Variants in CABLES1 observed in about 807,000 individuals in gnomAD.
CABLES1 encodes the protein Cdk5 and Abl enzyme substrate 1.
A neutral mutation model predicts 57.8 loss-of-function variants in CABLES1; 36 were observed. The observed-to-expected ratio is 0.62, with a 90% confidence interval of 0.48 to 0.82. The LOEUF is 0.82. CABLES1 is among the 40% of genes least tolerant of loss of function. The probability of loss-of-function intolerance (pLI) is 0.00; values close to 1 mark genes in which losing one functional copy is unlikely to be tolerated. For synonymous variants in CABLES1, 374 were observed against 363.0 expected (o/e 1.03, Z -0.35); for missense variants, 767 against 836.6 (o/e 0.92, Z 1.03).
intron 1 of CABLES1, among the ~76,000 whole-genome samples, chr18:23,153,744 A>C (rs1380705131): frequency 6.6e-6 from 1 of 151,294 alleles, no homozygotes. Flanking sequence ...AAAAAACAAA[A>C]AATAGGCCAG....
intron 1 of CABLES1, among the ~76,000 whole-genome samples, chr18:23,180,691 T>C (rs537071763): frequency 3.3e-5 from 5 of 152,126 alleles, no homozygotes; most frequent in African/African-American, 1.2e-4. Context: ...AATTCTTGGG[T>C]TTATATATAG....
chr18:23,207,060 C>T (rs1409744999), intron 3 of CABLES1, among the ~76,000 whole-genome samples: 1 of 152,208 alleles, frequency 6.6e-6, no homozygotes. Context: ...CATCTCCCAC[C>T]TTGGCTTCCC....
chr18:23,136,101 T>A lies in CABLES1; in HGVS notation c.339T>A (p.Ala113=). 1 of 1,183,570 alleles carries A rather than the reference T, an allele frequency of 8.4e-7. No individual in the cohort carries two copies. Among genetic ancestry groups the A allele is most frequent in the Non-Finnish European group, 1.0e-6 (1 of 957,866 alleles). The allele number at this position is 1,183,570 out of a possible 1,614,324, so 73.3% of individuals were successfully genotyped here. The change falls in exon 1 of 10, where the codon GCT becomes GCA. Residue 113 remains alanine (A), a synonymous_variant. Coordinates refer to ENST00000256925, the MANE Select transcript of CABLES1 (RefSeq NM_001100619.3). Reference sequence around the variant, plus strand: ...GGACTCGGTTCAGCTTGCTCGCCGCTGCCGAGCGGGGCGGCTGCATCGCGC... The same window carrying A: ...GGACTCGGTTCAGCTTGCTCGCCGCAGCCGAGCGGGGCGGCTGCATCGCGC... The part of the protein sequence containing the change: ...GARTRFSLLA[A]AERGGCIALA...
At chr18:23,232,212 C>A (rs1485491001) in intron 4 of CABLES1, among the ~76,000 whole-genome samples, 1 of 152,196 alleles carries the variant, frequency 6.6e-6, no homozygotes, top group Non-Finnish European at 1.5e-5. Context: ...AAAAGATATT[C>A]CCTACTTCTC....
intron 9 of CABLES1, 104 bp downstream of exon 9, chr18:23,254,040 C>A: frequency 2.1e-6 from 2 of 934,770 alleles, no homozygotes; most frequent in Non-Finnish European, 3.4e-6. Context: ...GATTCTGATC[C>A]TTAGTCAGCA....
At chr18:23,192,999 C>A (rs1054123212) in intron 2 of CABLES1, among the ~76,000 whole-genome samples, 8 of 152,074 alleles carry the variant, frequency 5.3e-5, no homozygotes, top group Non-Finnish European at 8.8e-5. Flanking sequence ...TATGATGGCA[C>A]CACTGCATTC....
In CABLES1 at chr18:23,253,816, G is replaced by A; in HGVS notation, c.1641G>A (p.Lys547=). 1 of 1,614,238 alleles carries A rather than the reference G, an allele frequency of 6.2e-7. No homozygotes were observed. The highest frequency in any genetic ancestry group is 1.1e-5 in the South Asian group (1 of 91,082). The part of the protein sequence containing the change: ...TVAMAFVYFE[K]LALKGKLNKQ... Reference sequence around the variant, plus strand: ...CCATGGCCTTCGTCTACTTTGAAAAGCTCGCCCTCAAGGGGAAACTCAACA... The same window carrying A: ...CCATGGCCTTCGTCTACTTTGAAAAACTCGCCCTCAAGGGGAAACTCAACA... Residue 547 remains lysine, a synonymous_variant, in exon 9 of 10, where the codon AAG becomes AAA. Transcript: ENST00000256925.
chr18:23,135,596 C>A lies in CABLES1; in HGVS notation c.-167C>A. On this transcript the variant is annotated 5_prime_UTR_variant, in exon 1 of 10. Coordinates refer to ENST00000256925, the MANE Select transcript of CABLES1 (RefSeq NM_001100619.3). ...GGCGGCGGCGCCCCCATCCCCAGCA[C>A]CGAGGGGCGAGCATGGCCCGCCCGC... is the stretch of plus-strand genomic sequence containing the variant. 2.9e-6 allele frequency: 1 copy of A among 344,034 alleles called. No homozygotes were observed. The highest frequency in any genetic ancestry group is 4.1e-6 in the Non-Finnish European group (1 of 244,606). 21.3% of individuals were successfully genotyped at this position (344,034 alleles called of 1,614,324 possible). A position where few individuals can be genotyped will look rare whatever the true frequency, so the allele number is the denominator to read the frequency against.
chr18:23,212,886 A>G (rs1335271645), intron 3 of CABLES1, among the ~76,000 whole-genome samples: 6 of 152,220 alleles, frequency 3.9e-5, no homozygotes, highest in Admixed American at 2.0e-4. Context: ...TGGGGCATAT[A>G]GGCAGAAGAA....
At chr18:23,209,878 C>CGG (rs200638984) in intron 3 of CABLES1, among the ~76,000 whole-genome samples, 5 of 151,884 alleles carry the variant, frequency 3.3e-5, no homozygotes, top group South Asian at 4.2e-4. Context: ...TGTCACCTTG[C>CGG]GGGGGGGCGG....
At chr18:23,146,967 A>G (rs185259614) in intron 1 of CABLES1, among the ~76,000 whole-genome samples, 193 of 152,306 alleles carry the variant, frequency 1.3e-3, no homozygotes, top group Admixed American at 4.1e-3. Flanking sequence ...TTTAAGACCT[A>G]TGGGCTGGAG....
chr18:23,159,881 C>CTT (rs59748694), intron 1 of CABLES1, among the ~76,000 whole-genome samples: 12 of 142,478 alleles, frequency 8.4e-5, no homozygotes, highest in South Asian at 2.3e-4. Context: ...GATTTTCTTT[C>CTT]TTTTTTTTTT....
chr18:23,149,956 G>C (rs1178267106), intron 1 of CABLES1: 1 of 152,252 alleles, frequency 6.6e-6, no homozygotes, highest in Non-Finnish European at 1.5e-5. Context: ...TATCGCTGAT[G>C]TGGGGGCTCT....
intron 1 of CABLES1, among the ~76,000 whole-genome samples, chr18:23,174,890 G>A (rs925374006): frequency 7.9e-6 from 1 of 126,322 alleles, no homozygotes; most frequent in Admixed American, 8.7e-5. Flanking sequence ...AAATAAACTC[G>A]ATAGCTTTCT....
chr18:23,252,970 T>C lies in CABLES1; in HGVS notation c.1457T>C (p.Ile486Thr). 6.2e-7 allele frequency: 1 copy of C among 1,609,990 alleles called. No homozygotes were observed. Among genetic ancestry groups the C allele is most frequent in the African/African-American group, 1.3e-5 (1 of 74,930 alleles). The change falls in exon 8 of 10, where the codon ATT (isoleucine) becomes ACT (threonine). Residue 486 changes from isoleucine (I) to threonine (T), a missense_variant. By Grantham distance (89) the Ile-to-Thr change is moderately conservative (BLOSUM62 -1). Transcript: ENST00000256925. The stretch of plus-strand genomic sequence containing the variant: ...CCCTGTCTGTTACAGACAACAGTGA[T>C]TGACTACGTGAAGCCCTCGGATCTC... ...LIFPSYMTTV[I>T]DYVKPSDLKK...
chr18:23,242,272 CTG>C (rs1257138497), intron 7 of CABLES1, among the ~76,000 whole-genome samples: 1 of 152,084 alleles, frequency 6.6e-6, no homozygotes, highest in East Asian at 1.9e-4. Flanking sequence ...GAATGAAACT[CTG>C]TCTCAAAAAA....
intron 7 of CABLES1, among the ~76,000 whole-genome samples, chr18:23,238,353 A>G (rs2047656898): frequency 6.6e-6 from 1 of 152,216 alleles, no homozygotes; most frequent in Admixed American, 6.5e-5. Context: ...GTTCTTTGGC[A>G]CATAGTTCAG....
intron 3 of CABLES1, among the ~76,000 whole-genome samples, chr18:23,206,533 A>G (rs1452152751): frequency 1.3e-5 from 2 of 152,234 alleles, no homozygotes; most frequent in Non-Finnish European, 2.9e-5. Flanking sequence ...GGGTCCACAG[A>G]TCAGAGTCTG....
At chr18:23,237,087 T>C in intron 6 of CABLES1, 55 bp from the exon 7 acceptor site, 1 of 1,035,612 alleles carries the variant, frequency 9.7e-7, no homozygotes, top group South Asian at 1.3e-5. Context: ...CTGTCTCTGC[T>C]GGGGAGGGTC....
Sources: gnomAD v4.1 joint callset for allele counts (sites outside exome capture counted in the v4.1 genomes callset) on GRCh38, gnomAD v4.1.1 for gene constraint, MANE v1.5 for transcripts, NCBI Gene and HGNC (gene_info 2026-07-23, HGNC 2026-07-21) for gene names.